Variants in TBX15 observed in about 807,000 individuals in gnomAD.
TBX15 encodes T-box transcription factor 15.
Under a neutral mutation model 53.9 loss-of-function variants are expected in TBX15, and 18 were observed. The ratio of observed to expected loss-of-function variants is 0.33; its 90% CI spans 0.23 to 0.49. The LOEUF is 0.49. Among genes scored for constraint, TBX15 ranks in the 20% least tolerant of loss-of-function variants. The probability of loss-of-function intolerance (pLI) is 0.98; values close to 1 mark genes in which losing one functional copy is unlikely to be tolerated. For synonymous variants in TBX15, 295 were observed against 278.0 expected, an observed-to-expected ratio of 1.06 and a Z score of -0.61; for missense variants, 692 against 749.5, an observed-to-expected ratio of 0.92 and a Z score of 0.90.
intron 2 of TBX15, among the ~76,000 whole-genome samples, 164 bp from the exon 3 acceptor site, chr1:118,926,775 G>T (rs1426497444): frequency 1.3e-5 from 2 of 152,064 alleles, no homozygotes; most frequent in African/African-American, 4.8e-5. Flanking sequence ...GCACAATCTT[G>T]GCTCACTGCC....
intron 6 of TBX15, among the ~76,000 whole-genome samples, chr1:118,909,356 A>C (rs1160427382): frequency 3.3e-5 from 5 of 152,246 alleles, no homozygotes; most frequent in African/African-American, 9.6e-5. Context: ...CCAGAAATGT[A>C]GGCCTCCTCT....
At chr1:118,978,746 A>G (rs189974773) in intron 1 of TBX15, among the ~76,000 whole-genome samples, 30 of 152,346 alleles carry the variant, frequency 2.0e-4, no homozygotes, top group Admixed American at 1.4e-3. Context: ...TTTACAATTC[A>G]GTATTCCTTT....
rs143725585 is a variant in TBX15 at position 118,885,176 on chromosome 1, C to T, written c.1365G>A (p.Ser455=). 27 of 1,614,110 alleles carry T rather than the reference C, an allele frequency of 1.7e-5. No individual in the cohort carries two copies. In the African/African-American group the frequency reaches 2.4e-4, roughly 14 times the overall value. Residue 455 remains serine, a synonymous_variant, in exon 8 of 8, where the codon TCG becomes TCA. Coordinates refer to ENST00000369429, the MANE Select transcript of TBX15 (RefSeq NM_001330677.2). ...CTTCCATCTTGCTGTTGCCAGGCAA[C>T]GAGGGAGGAGTTGGTATTCCTGAGA... The part of the protein sequence containing the change: ...SLISGIPTPP[S]LPGNSKMEAY...
intron 6 of TBX15, among the ~76,000 whole-genome samples, chr1:118,907,371 C>T (rs1450354276): frequency 6.6e-6 from 1 of 152,200 alleles, no homozygotes; most frequent in East Asian, 1.9e-4. Flanking sequence ...CAGACCACAA[C>T]CTTAATAATC....
intron 7 of TBX15, among the ~76,000 whole-genome samples, chr1:118,895,752 T>TA (rs137937240): frequency 2.7e-4 from 40 of 149,890 alleles, no homozygotes; most frequent in East Asian, 1.2e-3. Context: ...ACTTGACTTA[T>TA]AAAAAAAAAA....
At chr1:118,916,008 T>C (rs1410103296) in intron 5 of TBX15, among the ~76,000 whole-genome samples, 1 of 152,230 alleles carries the variant, frequency 6.6e-6, no homozygotes, top group Non-Finnish European at 1.5e-5. Flanking sequence ...AAGCTTTTAA[T>C]GTGAGAATTA....
chr1:118,984,371 G>C (rs1459506560), intron 1 of TBX15, among the ~76,000 whole-genome samples: 1 of 152,246 alleles, frequency 6.6e-6, no homozygotes, highest in African/African-American at 2.4e-5. Context: ...TTCGCTCCGC[G>C]GGAGACCCGG....
At position 118,884,412 on chromosome 1, in the gene TBX15, C is replaced by T. The variant is rs1653845472; in HGVS notation, c.*320G>A. On this transcript the variant is annotated 3_prime_UTR_variant, in exon 8 of 8. Transcript: ENST00000369429. ...TGTAACTTTTCATGGCTGCCACACA[C>T]TAGCATCTCCCTTAACATTATGACG... 5.1e-6 allele frequency: 2 copies of T among 392,650 alleles called. No homozygotes were observed. Among genetic ancestry groups the T allele is most frequent in the African/African-American group, 4.1e-5 (2 of 48,978 alleles). The allele number at this position is 392,650 out of a possible 1,614,324, so 24.3% of individuals were successfully genotyped here.
At chr1:118,892,054 T>A (rs1029049760) in intron 7 of TBX15, among the ~76,000 whole-genome samples, 3 of 152,146 alleles carry the variant, frequency 2.0e-5, no homozygotes, top group Non-Finnish European at 4.4e-5. Context: ...TGAACCACTT[T>A]GTCAAATGGA....
intron 1 of TBX15, among the ~76,000 whole-genome samples, chr1:118,938,165 G>T (rs1656026339): frequency 6.6e-6 from 1 of 152,186 alleles, no homozygotes; most frequent in Non-Finnish European, 1.5e-5. Context: ...TATAACCCGG[G>T]ATGGATTAAA....
chr1:118,913,673 C>G (rs1238085784), intron 6 of TBX15, among the ~76,000 whole-genome samples: 1 of 152,100 alleles, frequency 6.6e-6, no homozygotes, highest in Non-Finnish European at 1.5e-5. Context: ...AGGAGAAAAA[C>G]AGTTACATTT....
At chr1:118,965,129 A>G (rs1344020300) in intron 1 of TBX15, among the ~76,000 whole-genome samples, 1 of 152,212 alleles carries the variant, frequency 6.6e-6, no homozygotes, top group Non-Finnish European at 1.5e-5. Flanking sequence ...TTTCTTATTT[A>G]CTCAACACCT....
intron 7 of TBX15, 45 bp from the exon 8 acceptor site, chr1:118,885,561 A>G (rs1653912211): frequency 6.5e-7 from 1 of 1,549,406 alleles, no homozygotes; most frequent in African/African-American, 1.4e-5. Context: ...GTCTTTTAAG[A>G]TGAGTCTGCC....
intron 6 of TBX15, among the ~76,000 whole-genome samples, chr1:118,903,535 C>T (rs778012944): frequency 1.3e-5 from 2 of 152,002 alleles, no homozygotes; most frequent in Non-Finnish European, 2.9e-5. Context: ...TTTATTTTCT[C>T]TTTAGTTCTG....
chr1:118,900,345 C>T (rs898205647), intron 6 of TBX15, among the ~76,000 whole-genome samples: 1 of 152,168 alleles, frequency 6.6e-6, no homozygotes, highest in African/African-American at 2.4e-5. Context: ...GAGTTCTCTT[C>T]AGCCTTACAC....
chr1:118,961,831 C>T (rs1656887019), intron 1 of TBX15, among the ~76,000 whole-genome samples: 2 of 152,186 alleles, frequency 1.3e-5, no homozygotes, highest in Non-Finnish European at 2.9e-5. Context: ...GGCACTATCC[C>T]TGTCTTCAAG....
At chr1:118,891,583 C>T (rs1654144624) in intron 7 of TBX15, among the ~76,000 whole-genome samples, 1 of 152,110 alleles carries the variant, frequency 6.6e-6, no homozygotes, top group Admixed American at 6.6e-5. Context: ...TTCCCCCCTA[C>T]CACAGTAATT....
rs556729388 is a variant in TBX15, at chr1:118,898,965, G to A, written c.1024+63C>T. On this transcript the variant is annotated intron_variant, in intron 7 of 7. Transcript: ENST00000369429. ...GCCTGAGGCCAGATGTGCTATATTC[G>A]GTTGAGCTCCCACTCTGTCCCTGGC... The A allele has an allele frequency of 1.3e-4, 205 of 1,528,498 alleles. 1 individual carries two copies. Among genetic ancestry groups the A allele is most frequent in the African/African-American group, 3.0e-4 (22 of 73,236 alleles). The allele number at this position is 1,528,498 out of a possible 1,614,324, so 94.7% of individuals were successfully genotyped here.
intron 7 of TBX15, among the ~76,000 whole-genome samples, chr1:118,891,608 T>C (rs531150618): frequency 6.6e-6 from 1 of 152,274 alleles, no homozygotes; most frequent in African/African-American, 2.4e-5. Context: ...TGGAGATGAC[T>C]CAATTAAAGA....
Sources: gnomAD v4.1 joint callset for allele counts (sites outside exome capture counted in the v4.1 genomes callset) on GRCh38, gnomAD v4.1.1 for gene constraint, MANE v1.5 for transcripts, NCBI Gene and HGNC (gene_info 2026-07-23, HGNC 2026-07-21) for gene names.